GALNT17: variants seen among roughly 807,000 people sequenced by gnomAD.
GALNT17 encodes the protein polypeptide N-acetylgalactosaminyltransferase 17, also known as UDP-GalNAc:polypeptide N-acetylgalactosaminyltransferase-like 3.
Under a neutral mutation model 63.7 loss-of-function variants are expected in GALNT17, and 29 were observed. The observed-to-expected ratio is 0.46, with a 90% CI of 0.34 to 0.62. The LOEUF is 0.62. GALNT17 is among the 20% of genes least tolerant of loss of function. The pLI is 0.01. For synonymous variants in GALNT17, 305 were observed against 318.3 expected (o/e 0.96, Z 0.45); for missense variants, 603 against 799.6 (o/e 0.75, Z 2.97).
At chr7:71,404,234 G>A (rs1234698403) in intron 3 of GALNT17, among the ~76,000 whole-genome samples, 1 of 152,162 alleles carries the variant, frequency 6.6e-6, no homozygotes, top group African/African-American at 2.4e-5. Flanking sequence ...AAGCTGAGAT[G>A]GCTTTCCTTT....
chr7:71,529,088 T>C (rs974818355), intron 5 of GALNT17, among the ~76,000 whole-genome samples: 2 of 151,970 alleles, frequency 1.3e-5, no homozygotes, highest in East Asian at 3.9e-4. Flanking sequence ...TGAGCTGAGA[T>C]CACACCACTG....
At chr7:71,586,708 G>T (rs1789723173) in intron 6 of GALNT17, among the ~76,000 whole-genome samples, 1 of 151,244 alleles carries the variant, frequency 6.6e-6, no homozygotes, top group African/African-American at 2.4e-5. Flanking sequence ...ATGGCACACT[G>T]AAAGGATTCT....
At chr7:71,585,159 G>C (rs2116906544) in intron 6 of GALNT17, among the ~76,000 whole-genome samples, 1 of 151,822 alleles carries the variant, frequency 6.6e-6, no homozygotes, top group South Asian at 2.1e-4. Flanking sequence ...TTTCTTTTTG[G>C]CAAGAACACT....
intron 9 of GALNT17, among the ~76,000 whole-genome samples, chr7:71,696,288 A>G (rs1452359059): frequency 6.3e-5 from 7 of 111,110 alleles, no homozygotes; most frequent in Non-Finnish European, 1.4e-4. Flanking sequence ...AGTTTATTTT[A>G]TTTTTATAGA....
At chr7:71,409,305 G>T (rs938117108) in intron 3 of GALNT17, among the ~76,000 whole-genome samples, 1 of 152,234 alleles carries the variant, frequency 6.6e-6, no homozygotes, top group South Asian at 2.1e-4. Context: ...GGGGGTAAAT[G>T]CTAAGCCAGA....
At chr7:71,421,174 G>A (rs904359007) in intron 5 of GALNT17, 69 bp downstream of exon 5, 1 of 1,559,890 alleles carries the variant, frequency 6.4e-7, no homozygotes, top group Non-Finnish European at 8.7e-7. Context: ...GCTACTGAGA[G>A]AGGCCAGGAA....
At chr7:71,498,872 A>G (rs1352014947) in intron 5 of GALNT17, among the ~76,000 whole-genome samples, 1 of 152,204 alleles carries the variant, frequency 6.6e-6, no homozygotes, top group Non-Finnish European at 1.5e-5. Flanking sequence ...CCTAACTCTG[A>G]GATTCTGTGG....
At chr7:71,577,762 T>C (rs1454006977) in intron 6 of GALNT17, among the ~76,000 whole-genome samples, 1 of 152,190 alleles carries the variant, frequency 6.6e-6, no homozygotes, top group Non-Finnish European at 1.5e-5. Context: ...TAATTGCTGG[T>C]TGCATAGCTC....
intron 9 of GALNT17, among the ~76,000 whole-genome samples, chr7:71,694,874 T>C (rs1340543762): frequency 1.3e-5 from 2 of 152,148 alleles, no homozygotes; most frequent in Non-Finnish European, 2.9e-5. Context: ...AATGCTGCTG[T>C]AGTTGGCAAG....
chr7:71,515,104 G>A (rs931752554), intron 5 of GALNT17, among the ~76,000 whole-genome samples: 4 of 152,194 alleles, frequency 2.6e-5, no homozygotes, highest in African/African-American at 9.7e-5. Context: ...ATGTGGAACT[G>A]TGAGTCCGTT....
Position 71,706,521 on chromosome 7 carries a change from T to A in GALNT17, c.1501-4240T>A, listed in dbSNP as rs536746658. On this transcript the variant is annotated intron_variant, in intron 9 of 10. Transcript: ENST00000333538. Reference sequence around the variant, plus strand: ...GTAAGCAGCTGTGTATATCTTTCCCTGAACATAAAGGCAGCTTGCTGTCAT... The same window carrying A: ...GTAAGCAGCTGTGTATATCTTTCCCAGAACATAAAGGCAGCTTGCTGTCAT... 4.6e-5 allele frequency among the ~76,000 whole-genome samples: 7 copies of A among 152,308 alleles called. No individual in the cohort carries two copies. In the East Asian group the frequency reaches 5.8e-4, roughly 13 times the overall value.
At chr7:71,516,354 G>C (rs540685241) in intron 5 of GALNT17, among the ~76,000 whole-genome samples, 17 of 152,302 alleles carry the variant, frequency 1.1e-4, no homozygotes, top group Non-Finnish European at 2.1e-4. Context: ...ATTAGTAGCA[G>C]ACAAAGATTA....
At chr7:71,373,962 T>C (rs960677187) in intron 2 of GALNT17, among the ~76,000 whole-genome samples, 1 of 152,242 alleles carries the variant, frequency 6.6e-6, no homozygotes, top group Admixed American at 6.5e-5. Flanking sequence ...ACAGTTTTGT[T>C]ATTTATTGTT....
At chr7:71,368,980 T>G (rs1792566459) in intron 2 of GALNT17, among the ~76,000 whole-genome samples, 1 of 152,038 alleles carries the variant, frequency 6.6e-6, no homozygotes, top group South Asian at 2.1e-4. Flanking sequence ...GAATCGGAAT[T>G]AAATAAAGTC....
At chr7:71,159,553 G>A (rs1371555377) in intron 1 of GALNT17, among the ~76,000 whole-genome samples, 1 of 149,970 alleles carries the variant, frequency 6.7e-6, no homozygotes, top group African/African-American at 2.5e-5. Context: ...ATATAATTAT[G>A]CAATTATATA....
chr7:71,242,244 C>CTTTTT (rs796157853), intron 1 of GALNT17, among the ~76,000 whole-genome samples: 3 of 117,060 alleles, frequency 2.6e-5, no homozygotes, highest in Non-Finnish European at 3.8e-5. Context: ...GATCACATTT[C>CTTTTT]TTTTTTTTTT....
chr7:71,169,621 T>A (rs987511468), intron 1 of GALNT17, among the ~76,000 whole-genome samples: 2 of 152,204 alleles, frequency 1.3e-5, no homozygotes, highest in Non-Finnish European at 2.9e-5. Context: ...AGTGGCGTGA[T>A]CATGGCTCAC....
At chr7:71,618,676 G>A (rs1790251445) in intron 6 of GALNT17, among the ~76,000 whole-genome samples, 1 of 152,038 alleles carries the variant, frequency 6.6e-6, no homozygotes, top group Non-Finnish European at 1.5e-5. Context: ...CTTTTTGCTT[G>A]TTGACTTAAG....
intron 1 of GALNT17, among the ~76,000 whole-genome samples, chr7:71,331,209 A>T (rs1312465022): frequency 6.6e-6 from 1 of 152,086 alleles, no homozygotes; most frequent in Non-Finnish European, 1.5e-5. Context: ...TTTCAGCCTT[A>T]TCTCTTGTTT....
Sources: gnomAD v4.1 joint callset for allele counts (sites outside exome capture counted in the v4.1 genomes callset) on GRCh38, gnomAD v4.1.1 for gene constraint, MANE v1.5 for transcripts, NCBI Gene and HGNC (gene_info 2026-07-23, HGNC 2026-07-21) for gene names.